Variants in MMP10 observed in about 807,000 individuals in gnomAD.
MMP10 encodes the protein matrix metallopeptidase 10, also known as stromelysin-2.
Under a neutral mutation model 49.1 loss-of-function variants are expected in MMP10, and 50 were observed. That is an observed-to-expected ratio of 1.02 (90% CI 0.81 to 1.29). The LOEUF is 1.29. Among genes scored for constraint, MMP10 ranks in the 50% most tolerant of loss-of-function variants. MMP10 has a pLI of 0.00. For missense variants in MMP10, 613 were observed against 563.8 expected (o/e 1.09, Z -0.88); for synonymous variants, 229 against 201.6 (o/e 1.14, Z -1.15).
rs2134347916 is a variant in MMP10, at chr11:102,772,789, G to A, written c.1226+58C>T. On this transcript the variant is annotated intron_variant, in intron 8 of 9. Transcript: ENST00000279441. The surrounding 1 kb of genome is among the most constrained non-coding windows in gnomAD (Gnocchi z 4.4). ...TGTAGGGTAGGGAAATATCCTTAAA[G>A]AAAGAAAATAATTTTCTTAATCAGG... 1 of 1,544,904 alleles carries A rather than the reference G, an allele frequency of 6.5e-7. No homozygotes were observed. Among genetic ancestry groups the A allele is most frequent in the Non-Finnish European group, 8.8e-7 (1 of 1,140,348 alleles).
chr11:102,776,694 C>T lies in MMP10; in HGVS notation c.705G>A (p.Met235Ile). 4.3e-6 allele frequency: 7 copies of T among 1,613,994 alleles called. No individual in the cohort carries two copies. The South Asian group carries it at 7.7e-5, about 18-fold the overall frequency. The change falls in exon 5 of 10, where the codon ATG becomes ATA. Residue 235 changes from methionine to isoleucine, a missense_variant. By Grantham distance (10) the Met-to-Ile change is conservative. Transcript: ENST00000279441. ...CTGTGAATGAGTTGTAGAGTGGGTA[C>T]ATCAAAGCTTCAGTGTTGGCTGAGT... ...LFHSANTEAL[M>I]YPLYNSFTEL...
rs757388859 is a variant in MMP10 at position 102,776,373 on chromosome 11, G to T, written c.839C>A (p.Pro280His). The T allele has an allele frequency of 6.2e-7, 1 of 1,613,894 alleles. No individual in the cohort carries two copies. The highest frequency in any genetic ancestry group is 8.5e-7 in the Non-Finnish European group (1 of 1,179,884). The change falls in exon 6 of 10, where the codon CCT becomes CAT. Residue 280 changes from proline (P) to histidine (H), a missense_variant. By Grantham distance (77) the Pro-to-His change is moderately conservative. Transcript: ENST00000279441. The part of the protein sequence containing the change: ...EEPLVPTKSV[P>H]SGSEMPAKCD... The stretch of plus-strand genomic sequence containing the variant: ...CTTGGCTGGCATCTCAGATCCCGAA[G>T]GAACAGATTTTGTGGGCACCAGGGG...
In MMP10 at chr11:102,772,887, T is replaced by C; in HGVS notation, c.1186A>G (p.Lys396Glu). ...GCTGCAAAGAAGTATGTTTTCTTCT[T>C]TTCCTTGTCAGAAACAGCTGCATCA... ...KIDAAVSDKE[K>E]KKTYFFAADK... Residue 396 changes from lysine (K) to glutamate (E), a missense_variant, in exon 8 of 10, where the codon AAG becomes GAG. Coordinates refer to ENST00000279441, the MANE Select transcript of MMP10 (RefSeq NM_002425.3). This position sits in a 1 kb window ranked among gnomAD's most constrained non-coding sequence, Gnocchi z 4.4. 6.2e-7 allele frequency: 1 copy of C among 1,613,854 alleles called. No individual in the cohort carries two copies. Among genetic ancestry groups the C allele is most frequent in the Non-Finnish European group, 8.5e-7 (1 of 1,179,842 alleles).
At position 102,778,607 on chromosome 11, in the gene MMP10, A is replaced by G. The variant is rs199572735; in HGVS notation, c.622+17T>C. ...GGACATTATTCCTGAAATGTTCCCGAGAGGTTTACGACCCACCTGATGCAT... is the reference window on the plus strand; with the variant it reads ...GGACATTATTCCTGAAATGTTCCCGGGAGGTTTACGACCCACCTGATGCAT... On this transcript the variant is annotated intron_variant, in intron 4 of 9. Transcript: ENST00000279441. The G allele has an allele frequency of 5.6e-6, 9 of 1,612,424 alleles. No individual in the cohort carries two copies. The African/African-American group carries it at 1.1e-4, about 19-fold the overall frequency.
chr11:102,776,814 C>G, intron 4 of MMP10, 38 bp from the exon 5 acceptor site: 2 of 1,612,476 alleles, frequency 1.2e-6, no homozygotes, highest in Non-Finnish European at 1.7e-6. Context: ...TTCACCAGCT[C>G]TTTCTTCCAT....
In MMP10 at chr11:102,770,634, C is replaced by A; in HGVS notation, c.*159G>T. ...GCAATTCAAAAGCAAGTGAAGAATT[C>A]CAGAAACATTCTTCATGACACATGC... On this transcript the variant is annotated 3_prime_UTR_variant, in exon 10 of 10. Transcript: ENST00000279441. The A allele has an allele frequency of 2.0e-6, 1 of 508,686 alleles. No individual in the cohort carries two copies. Among genetic ancestry groups the A allele is most frequent in the Non-Finnish European group, 3.4e-6 (1 of 290,768 alleles). The allele number at this position is 508,686 out of a possible 1,614,324, so 31.5% of individuals were successfully genotyped here. A position where few individuals can be genotyped will look rare whatever the true frequency, so the allele number is the denominator to read the frequency against.
chr11:102,779,908 T>A (rs1857802307), intron 1 of MMP10, among the ~76,000 whole-genome samples, 163 bp from the exon 2 acceptor site: 1 of 152,178 alleles, frequency 6.6e-6, no homozygotes, highest in Non-Finnish European at 1.5e-5. Context: ...ATTTTTAAAT[T>A]TTATTGCAAT....
intron 6 of MMP10, among the ~76,000 whole-genome samples, chr11:102,775,637 A>C (rs983346468): frequency 1.3e-5 from 2 of 152,206 alleles, no homozygotes; most frequent in East Asian, 3.8e-4. Context: ...GGAAATTGGT[A>C]GCAGTGGTTG....
chr11:102,776,417 G>C lies in MMP10; in HGVS notation c.795C>G (p.Pro265=). 1.2e-6 allele frequency: 2 copies of C among 1,613,284 alleles called. No homozygotes were observed. The highest frequency in any genetic ancestry group is 1.7e-6 in the Non-Finnish European group (2 of 1,179,696). Residue 265 remains proline, a synonymous_variant, in exon 6 of 10, where the codon CCC becomes CCG. Coordinates refer to ENST00000279441, the MANE Select transcript of MMP10 (RefSeq NM_002425.3). ...CCAGGGGTTCCTCAGTAGAGGCAGG[G>C]GGAGGTCCTAAAGGAAACAGATTTG... is the stretch of plus-strand genomic sequence containing the variant. ...VNGIQSLYGP[P]PASTEEPLVP...
At chr11:102,778,420 G>C (rs932774259) in intron 4 of MMP10, among the ~76,000 whole-genome samples, 5 of 152,102 alleles carry the variant, frequency 3.3e-5, no homozygotes, top group African/African-American at 1.2e-4. Context: ...TATTGTACTT[G>C]GTGGGGGCAA....
intron 2 of MMP10, 61 bp downstream of exon 2, chr11:102,779,443 C>T (rs1236851418): frequency 6.2e-7 from 1 of 1,608,926 alleles, no homozygotes; most frequent in Non-Finnish European, 8.5e-7. Flanking sequence ...GTTACTTATC[C>T]AAATATGACG....
Position 102,779,355 on chromosome 11 carries a change from C to A in MMP10, c.354G>T (p.Val118=), listed in dbSNP as rs1857791965. ...WRKTHLTYRI[V]NYTPDLPRDA... is the part of the protein sequence containing the mutation. ...CTCTTGGCAAATCTGGTGTATAATTCACAATCCTGGAGGAGAAAAATTGAA... is the reference window on the plus strand; with the variant it reads ...CTCTTGGCAAATCTGGTGTATAATTAACAATCCTGGAGGAGAAAAATTGAA... The change falls in exon 3 of 10, where the codon GTG becomes GTT. Residue 118 remains valine, a synonymous_variant. Transcript: ENST00000279441. The A allele has an allele frequency of 1.4e-5, 22 of 1,613,842 alleles. No individual in the cohort carries two copies. Among genetic ancestry groups the A allele is most frequent in the Non-Finnish European group, 1.9e-5 (22 of 1,179,932 alleles).
rs1352687907 is a variant in MMP10 at position 102,776,363 on chromosome 11, A to G, written c.849T>C (p.Ser283=). 1 of 1,613,584 alleles carries G rather than the reference A, an allele frequency of 6.2e-7. No homozygotes were observed. The highest frequency in any genetic ancestry group is 8.5e-7 in the Non-Finnish European group (1 of 1,179,534). The change falls in exon 6 of 10, where the codon TCT becomes TCC. Residue 283 remains serine (S), a synonymous_variant. Transcript: ENST00000279441. ...CAGGATCACACTTGGCTGGCATCTC[A>G]GATCCCGAAGGAACAGATTTTGTGG... is the stretch of plus-strand genomic sequence containing the variant. ...LVPTKSVPSG[S]EMPAKCDPAL... is the part of the protein sequence containing the mutation.
At chr11:102,773,857 C>T (rs1052652379) in intron 7 of MMP10, among the ~76,000 whole-genome samples, 3 of 152,216 alleles carry the variant, frequency 2.0e-5, no homozygotes, top group African/African-American at 7.2e-5. Flanking sequence ...CTGCCAAAGG[C>T]TTCATCTCTG....
At position 102,780,502 on chromosome 11, in the gene MMP10, G is replaced by T. The variant is rs1857814382; in HGVS notation, c.90C>A (p.Asn30Lys). The T allele has an allele frequency of 6.2e-7, 1 of 1,613,816 alleles. No individual in the cohort carries two copies. Among genetic ancestry groups the T allele is most frequent in the South Asian group, 1.1e-5 (1 of 91,042 alleles). ...LSGAAKEEDS[N>K]KDLAQQYLEK... ...CGTTAATTACCTGGGCAAGATCCTT[G>T]TTGGAGTCCTCCTCTTTTGCTGCCC... The change falls in exon 1 of 10, where the codon AAC (asparagine) becomes AAA (lysine). Residue 30 changes from asparagine (N) to lysine (K), a missense_variant. Coordinates refer to ENST00000279441, the MANE Select transcript of MMP10 (RefSeq NM_002425.3).
rs755157910 is a variant in MMP10, at chr11:102,779,707, C to T, written c.144G>A (p.Val48=). 4 of 1,613,938 alleles carry T rather than the reference C, an allele frequency of 2.5e-6. No individual in the cohort carries two copies. Among genetic ancestry groups the T allele is most frequent in the Admixed American group, 3.3e-5 (2 of 59,936 alleles). Residue 48 remains valine, a synonymous_variant, in exon 2 of 10, where the codon GTG becomes GTA. Coordinates refer to ENST00000279441, the MANE Select transcript of MMP10 (RefSeq NM_002425.3). ...LEKYYNLEKD[V]KQFRRKDSNL... is the part of the protein sequence containing the mutation. ...TACTGTCCTTTCTTCTAAACTGTTT[C>T]ACATCCTTTTCGAGGTTGTAGTACT...
intron 3 of MMP10, among the ~76,000 whole-genome samples, 178 bp from the exon 4 acceptor site, chr11:102,778,927 T>C (rs1257373909): frequency 2.0e-5 from 3 of 152,246 alleles, no homozygotes; most frequent in Non-Finnish European, 4.4e-5. Flanking sequence ...GAAGTGATTA[T>C]GTCGTAAGTG....
Position 102,778,746 on chromosome 11 carries a change from T to C in MMP10, c.500A>G (p.His167Arg), listed in dbSNP as rs138352595. 56 of 1,613,828 alleles carry C rather than the reference T, an allele frequency of 3.5e-5. No homozygotes were observed. The African/African-American group carries it at 7.2e-4, about 21-fold the overall frequency. ...GCCATCAAAAGAGTAAAAGTCTCCA[T>C]GTTCTGATAGGGAACAAATTAATGG... is the stretch of plus-strand genomic sequence containing the variant. ...DIMISFAVKE[H>R]GDFYSFDGPG... is the part of the protein sequence containing the mutation. The change falls in exon 4 of 10, where the codon CAT becomes CGT. Residue 167 changes from histidine (H) to arginine (R), a missense_variant. Coordinates refer to ENST00000279441, the MANE Select transcript of MMP10 (RefSeq NM_002425.3).
chr11:102,774,661 A>G (rs184717379), intron 7 of MMP10, among the ~76,000 whole-genome samples: 34 of 152,320 alleles, frequency 2.2e-4, no homozygotes, highest in Non-Finnish European at 4.4e-4. Context: ...AAACTCTAAT[A>G]GCATATTACC....
Sources: allele counts gnomAD v4.1 joint callset (sites outside exome capture counted in the v4.1 genomes callset), GRCh38; gene constraint gnomAD v4.1.1; non-coding constraint Gnocchi (gnomAD v3.1); transcripts MANE v1.5; gene names NCBI Gene and HGNC (gene_info 2026-07-23, HGNC 2026-07-21).